PTPRB: variants seen among roughly 807,000 people sequenced by gnomAD.
PTPRB encodes protein tyrosine phosphatase receptor type B, also known as receptor-type tyrosine-protein phosphatase beta.
In PTPRB, 97 loss-of-function variants were observed where a neutral mutation model predicts 238.1. That is an observed-to-expected ratio of 0.41 (90% CI 0.35 to 0.48). PTPRB has a LOEUF of 0.48. Among genes scored for constraint, PTPRB ranks in the 20% least tolerant of loss-of-function variants. The pLI is 0.30. For missense variants in PTPRB, 2,292 were observed against 2,681.9 expected (o/e 0.85, Z 3.21); for synonymous variants, 970 against 995.4 (o/e 0.97, Z 0.48).
chr12:70,625,676 A>T (rs1163473965), intron 2 of PTPRB, among the ~76,000 whole-genome samples: 1 of 152,122 alleles, frequency 6.6e-6, no homozygotes, highest in African/African-American at 2.4e-5. Context: ...AAAGGTATAT[A>T]TGTTTCACAG....
At chr12:70,548,346 T>TCA (rs56848578) in intron 21 of PTPRB, among the ~76,000 whole-genome samples, 145 of 97,168 alleles carry the variant, frequency 1.5e-3, no homozygotes, top group Admixed American at 2.5e-3. Flanking sequence ...TCTCTCTCTC[T>TCA]CACACACACA....
intron 1 of PTPRB, among the ~76,000 whole-genome samples, chr12:70,636,815 G>A (rs971525972): frequency 1.3e-5 from 2 of 152,108 alleles, no homozygotes; most frequent in Non-Finnish European, 2.9e-5. Flanking sequence ...CTAAACATCA[G>A]TATTAAAGAG....
At chr12:70,607,706 T>A (rs797003270) in intron 4 of PTPRB, among the ~76,000 whole-genome samples, 29 of 151,882 alleles carry the variant, frequency 1.9e-4, no homozygotes, top group East Asian at 9.7e-4. Flanking sequence ...CAGGCGAATT[T>A]TTTATTTATT....
intron 32 of PTPRB, among the ~76,000 whole-genome samples, chr12:70,528,187 T>C (rs922515850): frequency 2.0e-5 from 3 of 152,222 alleles, no homozygotes; most frequent in African/African-American, 7.2e-5. Context: ...AAGTGGATTC[T>C]GGCCCAGGTG....
intron 11 of PTPRB, among the ~76,000 whole-genome samples, chr12:70,575,137 C>A (rs1290325850): frequency 6.6e-6 from 1 of 152,052 alleles, no homozygotes; most frequent in Non-Finnish European, 1.5e-5. Context: ...TCTTTATATC[C>A]CTGACTAGTG....
intron 31 of PTPRB, among the ~76,000 whole-genome samples, chr12:70,532,381 T>G (rs889265174): frequency 5.3e-5 from 6 of 113,472 alleles, no homozygotes; most frequent in African/African-American, 1.7e-4. Context: ...CTGTCCCTCC[T>G]CCACTCTACC....
At position 70,520,285 on chromosome 12, in the gene PTPRB, A is replaced by G; in HGVS notation, c.*1204T>C. 2.2e-6 allele frequency: 1 copy of G among 451,162 alleles called. No homozygotes were observed. The highest frequency in any genetic ancestry group is 7.0e-5 in the East Asian group (1 of 14,388). 27.9% of individuals were successfully genotyped at this position (451,162 alleles called of 1,614,324 possible). A position where few individuals can be genotyped will look rare whatever the true frequency, so the allele number is the denominator to read the frequency against. On this transcript the variant is annotated 3_prime_UTR_variant, in exon 34 of 34. Transcript: ENST00000334414. ...TAGTCAAAGTAAGTAAGGCACAAAT[A>G]TTGAAGATAAACTTGGTACAGTATG...
intron 10 of PTPRB, among the ~76,000 whole-genome samples, chr12:70,579,785 C>A (rs951398345): frequency 2.0e-5 from 3 of 151,498 alleles, no homozygotes; most frequent in African/African-American, 7.3e-5. Flanking sequence ...GAATTTCTAC[C>A]AAGACTATGA....
At chr12:70,552,311 C>T (rs1876995905) in intron 21 of PTPRB, among the ~76,000 whole-genome samples, 1 of 151,942 alleles carries the variant, frequency 6.6e-6, no homozygotes, top group Non-Finnish European at 1.5e-5. Flanking sequence ...TGGTGAAACC[C>T]CATCTCTACT....
chr12:70,536,342 G>A (rs1306306864), intron 28 of PTPRB, among the ~76,000 whole-genome samples, 183 bp from the exon 29 acceptor site: 1 of 152,194 alleles, frequency 6.6e-6, no homozygotes, highest in Non-Finnish European at 1.5e-5. Flanking sequence ...TTGAACTAGT[G>A]TTAAGAGCCA....
At chr12:70,601,240 T>C (rs1437549450) in intron 4 of PTPRB, among the ~76,000 whole-genome samples, 1 of 152,050 alleles carries the variant, frequency 6.6e-6, no homozygotes, top group Non-Finnish European at 1.5e-5. Context: ...TGAGCTCACA[T>C]GATCCTCCCA....
At chr12:70,609,618 G>GT in intron 3 of PTPRB, 4 of 929,586 alleles carry the variant, frequency 4.3e-6, no homozygotes, top group Non-Finnish European at 6.6e-6. Context: ...GCTCACCAGA[G>GT]GATCATTCTT....
intron 2 of PTPRB, among the ~76,000 whole-genome samples, chr12:70,631,353 A>T (rs1404494500): frequency 5.3e-5 from 8 of 152,042 alleles, no homozygotes; most frequent in Admixed American, 1.3e-4. Context: ...TAATAAATGG[A>T]GCTGGGAAAA....
At chr12:70,565,828 G>A (rs1163462173) in intron 15 of PTPRB, among the ~76,000 whole-genome samples, 1 of 152,192 alleles carries the variant, frequency 6.6e-6, no homozygotes, top group African/African-American at 2.4e-5. Context: ...CTTTGTAGAT[G>A]TGATTAAGTT....
In PTPRB at chr12:70,540,000, C is replaced by A; in HGVS notation, c.5617G>T (p.Ala1873Ser). Residue 1873 changes from alanine (A) to serine (S), a missense_variant, in exon 24 of 34, where the codon GCC becomes TCC. Physicochemically the swap from Ala to Ser is moderately conservative, Grantham distance 99. Coordinates refer to ENST00000334414, the MANE Select transcript of PTPRB (RefSeq NM_001109754.4). ...CGATCCCTACGAATGCTCAGACGGGCAGAGGGTCTTTCTCGACCATGGCTG... is the reference window on the plus strand; with the variant it reads ...CGATCCCTACGAATGCTCAGACGGGAAGAGGGTCTTTCTCGACCATGGCTG... ...KVSHGRERPS[A>S]RLSIRRDRPL... 6.2e-7 allele frequency: 1 copy of A among 1,609,982 alleles called. No individual in the cohort carries two copies. The highest frequency in any genetic ancestry group is 8.5e-7 in the Non-Finnish European group (1 of 1,176,356).
chr12:70,576,679 G>GGGGGGGGGGGGGTT, intron 10 of PTPRB, 34 bp from the exon 11 acceptor site: 1 of 221,436 alleles, frequency 4.5e-6, no homozygotes, highest in Non-Finnish European at 8.2e-6. Flanking sequence ...CGGGGGGGGG[G>GGGGGGGGGGGGGTT]GGGAAGGGGG....
intron 4 of PTPRB, among the ~76,000 whole-genome samples, chr12:70,601,495 A>G (rs569695362): frequency 1.7e-4 from 26 of 152,256 alleles, no homozygotes; most frequent in Middle Eastern, 3.4e-3. Context: ...CAACCAAACA[A>G]CAGCATCTTT....
chr12:70,535,231 T>A (rs11834967), intron 29 of PTPRB, among the ~76,000 whole-genome samples: 2 of 139,310 alleles, frequency 1.4e-5, no homozygotes, highest in South Asian at 2.2e-4. Context: ...TGAGTTTTTT[T>A]TTTTTTTTTT....
rs764421897 is a variant in PTPRB at position 70,592,294 on chromosome 12, C to T, written c.1768G>A (p.Val590Met). The change falls in exon 7 of 34, where the codon GTG becomes ATG. Residue 590 changes from valine to methionine, a missense_variant. By Grantham distance (21) the Val-to-Met change is conservative. Coordinates refer to ENST00000334414, the MANE Select transcript of PTPRB (RefSeq NM_001109754.4). Reference sequence around the variant, plus strand: ...GCCCAAGACTCACATGTTCTGCCCACTGCCATCTTCTGAGCAGACAGTTCA... The same window carrying T: ...GCCCAAGACTCACATGTTCTGCCCATTGCCATCTTCTGAGCAGACAGTTCA... ...SGELSAQKMA[V>M]GRTFPDKVAN... 22 of 1,613,904 alleles carry T rather than the reference C, an allele frequency of 1.4e-5. No individual in the cohort carries two copies. The Admixed American group carries it at 3.7e-4, about 27-fold the overall frequency.
Sources: gnomAD v4.1 joint callset for allele counts (sites outside exome capture counted in the v4.1 genomes callset) on GRCh38, gnomAD v4.1.1 for gene constraint, MANE v1.5 for transcripts, NCBI Gene and HGNC (gene_info 2026-07-23, HGNC 2026-07-21) for gene names.